The following CDC40 variants were observed in gnomAD, a reference collection of about 807,000 sequenced individuals.
CDC40 encodes cell division cycle 40.
Under a neutral mutation model 80.6 loss-of-function variants are expected in CDC40, and 27 were observed. That is an observed-to-expected ratio of 0.33 (90% confidence interval 0.25 to 0.46). CDC40 has a LOEUF of 0.46. Ranked by LOEUF, CDC40 falls within the 20% of genes least tolerant of loss-of-function variation. The probability of loss-of-function intolerance (pLI) is 1.00; values close to 1 mark genes in which losing one functional copy is unlikely to be tolerated. For missense variants in CDC40, 486 were observed against 694.1 expected, an observed-to-expected ratio of 0.70 and a Z score of 3.37; for synonymous variants, 221 against 232.6, an observed-to-expected ratio of 0.95 and a Z score of 0.45.
chr6:110,196,677 A>G (rs188866462), intron 2 of CDC40, among the ~76,000 whole-genome samples: 27 of 152,216 alleles, frequency 1.8e-4, no homozygotes, highest in African/African-American at 6.5e-4. Flanking sequence ...TTTAGAAATC[A>G]TATAGCTCAA....
intron 9 of CDC40, among the ~76,000 whole-genome samples, 180 bp downstream of exon 9, chr6:110,215,511 G>A (rs1310447053): frequency 1.3e-5 from 2 of 152,252 alleles, no homozygotes; most frequent in Non-Finnish European, 2.9e-5. Flanking sequence ...AGCAAGAGCA[G>A]CGGATGCAAA....
intron 9 of CDC40, among the ~76,000 whole-genome samples, chr6:110,217,221 C>T (rs543543771): frequency 2.2e-4 from 33 of 152,318 alleles, no homozygotes; most frequent in African/African-American, 7.9e-4. Context: ...AATTATTGAA[C>T]AAGGGCTACA....
At chr6:110,219,985 C>A in intron 12 of CDC40, 116 bp downstream of exon 12, 1 of 1,024,538 alleles carries the variant, frequency 9.8e-7, no homozygotes, top group Non-Finnish European at 1.4e-6. Flanking sequence ...CAACTGTGAT[C>A]CTGGCTTGCC....
intron 12 of CDC40, among the ~76,000 whole-genome samples, chr6:110,220,294 A>G (rs1731149218): frequency 6.6e-6 from 1 of 152,174 alleles, no homozygotes; most frequent in Admixed American, 6.5e-5. Flanking sequence ...ATGATTTTTC[A>G]GTACTGAAAA....
Position 110,180,558 on chromosome 6 carries a change from G to A in CDC40, c.114G>A (p.Met38Ile). Residue 38 changes from methionine (M) to isoleucine (I), a missense_variant, in exon 1 of 15, where the codon ATG (methionine) becomes ATA (isoleucine). Met to Ile is a conservative substitution (Grantham distance 10). Around this residue, in one of 3 missense-constraint regions of CDC40, gnomAD observed 381 missense variants for 492.1 expected, o/e 0.77. Coordinates refer to ENST00000307731, the MANE Select transcript of CDC40 (RefSeq NM_015891.3). ...RCPLPAADSL[M>I]HLTKSPSSKP... ...CGCTGCCAGCCGCCGACTCCCTCAT[G>A]CACTTGACTAAATCGCCTTCATCAA... is the stretch of plus-strand genomic sequence containing the variant. The A allele has an allele frequency of 6.2e-7, 1 of 1,614,218 alleles. No individual in the cohort carries two copies. Among genetic ancestry groups the A allele is most frequent in the African/African-American group, 1.3e-5 (1 of 75,066 alleles).
intron 12 of CDC40, 138 bp downstream of exon 12, chr6:110,220,007 T>C (rs1777748109): frequency 5.2e-6 from 4 of 765,516 alleles, no homozygotes; most frequent in Non-Finnish European, 8.2e-6. Context: ...ATCAAACTGT[T>C]TTAACTATTT....
At chr6:110,189,356 G>T (rs1265498705) in intron 1 of CDC40, among the ~76,000 whole-genome samples, 2 of 152,064 alleles carry the variant, frequency 1.3e-5, no homozygotes, top group African/African-American at 4.8e-5. Flanking sequence ...AGGTATCTTT[G>T]TCTATTTCTG....
intron 1 of CDC40, among the ~76,000 whole-genome samples, chr6:110,182,188 A>G (rs1777207494): frequency 6.6e-6 from 1 of 152,254 alleles, no homozygotes; most frequent in Non-Finnish European, 1.5e-5. Flanking sequence ...AGTAGGAATA[A>G]CAGTAGTACC....
intron 13 of CDC40, among the ~76,000 whole-genome samples, chr6:110,227,873 G>A (rs1777886691): frequency 6.6e-6 from 1 of 152,172 alleles, no homozygotes; most frequent in South Asian, 2.1e-4. Context: ...GGGTAGGGGT[G>A]CAGATCCTGG....
intron 12 of CDC40, among the ~76,000 whole-genome samples, chr6:110,224,011 T>G (rs1401810356): frequency 6.6e-6 from 1 of 152,046 alleles, no homozygotes; most frequent in East Asian, 1.9e-4. Flanking sequence ...TTTTGTATTT[T>G]TAGTAGAAAC....
At chr6:110,222,017 AGGCTGAGTTGGGT>A (rs769721564) in intron 12 of CDC40, among the ~76,000 whole-genome samples, 95 of 152,268 alleles carry the variant, frequency 6.2e-4, no homozygotes, top group Non-Finnish European at 1.1e-3. Flanking sequence ...GCACTTTGAG[AGGCTGAGTTGGGT>A]GGATCACTTG....
chr6:110,213,296 CA>C (rs1584076982), intron 8 of CDC40, 136 bp downstream of exon 8: 1 of 618,070 alleles, frequency 1.6e-6, no homozygotes, highest in East Asian at 2.8e-5. Flanking sequence ...GTAAATGCAG[CA>C]ATTTATGAAC....
chr6:110,209,062 A>ATTTTT, intron 4 of CDC40, 22 bp from the exon 5 acceptor site: 1 of 1,319,050 alleles, frequency 7.6e-7, no homozygotes, highest in Non-Finnish European at 1.0e-6. Flanking sequence ...TTTTTTTTTT[A>ATTTTT]ATTTTTTTTT....
chr6:110,209,932 T>TTAC (rs1377963618), intron 5 of CDC40, among the ~76,000 whole-genome samples: 1 of 152,206 alleles, frequency 6.6e-6, no homozygotes, highest in Non-Finnish European at 1.5e-5. Context: ...AGATAGAGAT[T>TTAC]TACTACTACC....
chr6:110,191,256 C>T (rs117562889), intron 1 of CDC40, among the ~76,000 whole-genome samples: 1,683 of 152,326 alleles, frequency 0.011, 15 homozygotes, highest in Non-Finnish European at 0.018. Flanking sequence ...CAGATCTTCA[C>T]TTGTCTGTGG....
Position 110,212,370 on chromosome 6 carries a change from A to G in CDC40, c.867+98A>G, listed in dbSNP as rs927229509. 2.4e-6 allele frequency: 3 copies of G among 1,258,908 alleles called. No individual in the cohort carries two copies. The African/African-American group carries it at 4.4e-5, about 19-fold the overall frequency. 78.0% of individuals were successfully genotyped at this position (1,258,908 alleles called of 1,614,324 possible). ...TGTGGAACATTTAGTATTTCTGGTA[A>G]AGGTACAGGGAAGTCAAATTGAATG... is the stretch of plus-strand genomic sequence containing the variant. On this transcript the variant is annotated intron_variant, in intron 7 of 14. Transcript: ENST00000307731.
intron 8 of CDC40, among the ~76,000 whole-genome samples, chr6:110,213,387 G>T (rs546881513): frequency 6.6e-4 from 97 of 147,344 alleles, no homozygotes; most frequent in African/African-American, 2.3e-3. Context: ...TTTGTTTTTT[G>T]TTTTTTTGTT....
At chr6:110,212,086 C>T in intron 6 of CDC40, 47 bp from the exon 7 acceptor site, 1 of 1,516,938 alleles carries the variant, frequency 6.6e-7, no homozygotes, top group Non-Finnish European at 9.1e-7. Context: ...GGTTTCATGA[C>T]TATGGGTTGT....
chr6:110,194,965 T>G (rs1233414069), intron 2 of CDC40, among the ~76,000 whole-genome samples: 1 of 152,214 alleles, frequency 6.6e-6, no homozygotes, highest in Non-Finnish European at 1.5e-5. Context: ...TAATGTTCTT[T>G]TTCCTCGGGT....
Sources: gnomAD v4.1 joint callset for allele counts (sites outside exome capture counted in the v4.1 genomes callset) on GRCh38, gnomAD v4.1.1 for gene constraint, gnomAD v4.1.1 regional missense constraint, MANE v1.5 for transcripts, NCBI Gene and HGNC (gene_info 2026-07-23, HGNC 2026-07-21) for gene names.